CSF2RB: variants seen among roughly 807,000 people sequenced by gnomAD.
The protein encoded by CSF2RB is colony stimulating factor 2 receptor subunit beta.
A neutral mutation model predicts 67.2 loss-of-function variants in CSF2RB; 22 were observed. The ratio of observed to expected loss-of-function variants is 0.33; its 90% CI spans 0.23 to 0.47. CSF2RB has a LOEUF of 0.47. CSF2RB is among the 20% of genes least tolerant of loss of function. The pLI is 1.00. For missense variants in CSF2RB, 1,113 were observed against 1,174.5 expected (o/e 0.95, Z 0.76); for synonymous variants, 507 against 482.9 (o/e 1.05, Z -0.65).
At chr22:36,936,918 G>A (rs143304892) in intron 13 of CSF2RB, among the ~76,000 whole-genome samples, 7 of 152,106 alleles carry the variant, frequency 4.6e-5, no homozygotes, top group African/African-American at 7.2e-5. Flanking sequence ...CCTCAGAGGC[G>A]TCACACTGCA....
chr22:36,926,085 G>A lies in CSF2RB; in HGVS notation c.299G>A (p.Cys100Tyr). The change falls in exon 4 of 14, where the codon TGC (cysteine) becomes TAC (tyrosine). Residue 100 changes from cysteine to tyrosine, a missense_variant. By Grantham distance (194) the Cys-to-Tyr change is radical. Around this residue, in one of 2 missense-constraint regions of CSF2RB, gnomAD observed 559 missense variants for 656.5 expected, o/e 0.85. Transcript: ENST00000403662. ...GTGCCCAGGAGATGTGTCATTCCCT[G>A]CCAGAGTTTTGTCGTCACTGACGTT... ...RCVPRRCVIPCQSFVVTDVDY... is the reference protein window; with the variant it reads ...RCVPRRCVIPYQSFVVTDVDY... 1.2e-6 allele frequency: 2 copies of A among 1,614,218 alleles called. No homozygotes were observed. Among genetic ancestry groups the A allele is most frequent in the Non-Finnish European group, 1.7e-6 (2 of 1,180,030 alleles).
At chr22:36,928,101 A>T (rs1941063807) in intron 4 of CSF2RB, among the ~76,000 whole-genome samples, 1 of 152,198 alleles carries the variant, frequency 6.6e-6, no homozygotes, top group Non-Finnish European at 1.5e-5. Context: ...GGTAGGGTCC[A>T]GCCTAATGCA....
chr22:36,922,897 C>T (rs920039134), intron 2 of CSF2RB, among the ~76,000 whole-genome samples: 1 of 151,994 alleles, frequency 6.6e-6, no homozygotes, highest in Non-Finnish European at 1.5e-5. Flanking sequence ...GAGTGTGTGC[C>T]CCCTCCCAGG....
At chr22:36,936,372 G>A (rs999328647) in intron 12 of CSF2RB, among the ~76,000 whole-genome samples, 177 bp from the exon 13 acceptor site, 1 of 152,128 alleles carries the variant, frequency 6.6e-6, no homozygotes, top group East Asian at 1.9e-4. Flanking sequence ...GGAAGTCCCC[G>A]CCCCTCTCTG....
At chr22:36,916,845 T>G (rs1248422116) in intron 1 of CSF2RB, among the ~76,000 whole-genome samples, 3 of 151,982 alleles carry the variant, frequency 2.0e-5, no homozygotes, top group Non-Finnish European at 4.4e-5. Context: ...GGCAACAGAG[T>G]GAGACTCCAA....
In CSF2RB at chr22:36,928,847, A is replaced by G. The variant is rs143916771; in HGVS notation, c.392-555A>G. Among the ~76,000 whole-genome samples, 14 of 152,350 alleles carry G rather than the reference A, an allele frequency of 9.2e-5. No homozygotes were observed. The East Asian group carries it at 2.5e-3, about 27-fold the overall frequency. On this transcript the variant is annotated intron_variant, in intron 4 of 13. Transcript: ENST00000403662. ...CCTTAGGGGAGGCAGACACAGAAGC[A>G]TAGGAATCCCTCAGCTGTGGTAAGG...
intron 8 of CSF2RB, 70 bp from the exon 9 acceptor site, chr22:36,932,695 C>A: frequency 3.2e-6 from 5 of 1,555,808 alleles, no homozygotes; most frequent in Non-Finnish European, 4.4e-6. Flanking sequence ...CAGTGTCTAG[C>A]ATGAGACACG....
At chr22:36,930,230 C>A in intron 6 of CSF2RB, 145 bp from the exon 7 acceptor site, 1 of 1,110,498 alleles carries the variant, frequency 9.0e-7, no homozygotes, top group Non-Finnish European at 1.4e-6. Context: ...GGACACACAG[C>A]TGGCAGGTTC....
chr22:36,930,499 C>T lies in CSF2RB; in HGVS notation c.843C>T (p.Ser281=). ...CCTTTGGCCTATTCTACAAGCCCAGCCCAGATGCAGGGTGAGCATCTTTTT... is the reference window on the plus strand; with the variant it reads ...CCTTTGGCCTATTCTACAAGCCCAGTCCAGATGCAGGGTGAGCATCTTTTT... ...SVSFGLFYKP[S]PDAGEEECSP... is the part of the protein sequence containing the mutation. Residue 281 remains serine, a synonymous_variant, in exon 7 of 14, where the codon AGC becomes AGT. Transcript: ENST00000403662. 6.2e-7 allele frequency: 1 copy of T among 1,613,532 alleles called. No individual in the cohort carries two copies. The highest frequency in any genetic ancestry group is 8.5e-7 in the Non-Finnish European group (1 of 1,180,016).
intron 7 of CSF2RB, 41 bp from the exon 8 acceptor site, chr22:36,930,632 G>T (rs1422678638): frequency 6.2e-7 from 1 of 1,611,366 alleles, no homozygotes; most frequent in Non-Finnish European, 8.5e-7. Flanking sequence ...CCTCCCGTGT[G>T]CCCTCCCTCT....
chr22:36,929,373 T>G (rs1399299003), intron 4 of CSF2RB, 29 bp from the exon 5 acceptor site: 1 of 1,614,058 alleles, frequency 6.2e-7, no homozygotes, highest in Non-Finnish European at 8.5e-7. Flanking sequence ...GGTCCAGCCC[T>G]TAGGTGCCCT....
Position 36,930,767 on chromosome 22 carries a change from G to A in CSF2RB, c.949G>A (p.Gly317Ser), listed in dbSNP as rs1333868953. ...QIPVPDPATH[G>S]QYIVSVQPRR... ...TCCCGTGCCCGACCCCGCGACCCAC[G>A]GCCAATACATCGTCTCTGTTCAGCC... Residue 317 changes from glycine to serine, a missense_variant, in exon 8 of 14, where the codon GGC becomes AGC. Around this residue, in one of 2 missense-constraint regions of CSF2RB, gnomAD observed 559 missense variants for 656.5 expected, o/e 0.85. Coordinates refer to ENST00000403662, the MANE Select transcript of CSF2RB (RefSeq NM_000395.3). 6.2e-6 allele frequency: 10 copies of A among 1,614,008 alleles called. No homozygotes were observed. Among genetic ancestry groups the A allele is most frequent in the East Asian group, 2.2e-5 (1 of 44,868 alleles).
At position 36,932,924 on chromosome 22, in the gene CSF2RB, G is replaced by C. The variant is rs1534879; in HGVS notation, c.1152+20G>C. On this transcript the variant is annotated intron_variant, in intron 9 of 13. Transcript: ENST00000403662. ...TGGAAGGTGAGGGCCTTTGCCCAGG[G>C]AGGGGAGAAACACTGGGGAGGGCGG... The C allele has an allele frequency of 0.47, 758,504 of 1,612,960 alleles. 185,809 individuals are homozygous for C. Among genetic ancestry groups the C allele is most frequent in the East Asian group, 0.83 (37,237 of 44,870 alleles).
At chr22:36,935,979 G>A (rs1941258133) in intron 12 of CSF2RB, among the ~76,000 whole-genome samples, 1 of 152,208 alleles carries the variant, frequency 6.6e-6, no homozygotes, top group Admixed American at 6.5e-5. Context: ...CCTGCTACCA[G>A]GATGGATGGG....
At chr22:36,918,670 C>T (rs545616481) in intron 1 of CSF2RB, among the ~76,000 whole-genome samples, 55 of 152,350 alleles carry the variant, frequency 3.6e-4, no homozygotes, top group African/African-American at 1.3e-3. Flanking sequence ...CCCTGTGAAG[C>T]TTTCCCCATT....
intron 4 of CSF2RB, among the ~76,000 whole-genome samples, chr22:36,929,187 A>G (rs1416810330): frequency 1.3e-5 from 2 of 152,166 alleles, no homozygotes; most frequent in Non-Finnish European, 2.9e-5. Flanking sequence ...GCGCATTGCA[A>G]TCTGCACGGC....
intron 4 of CSF2RB, among the ~76,000 whole-genome samples, chr22:36,928,429 G>C (rs1941072565): frequency 6.6e-6 from 1 of 152,186 alleles, no homozygotes. Flanking sequence ...TGGGTGAGGA[G>C]GGGCGGTTCC....
At position 36,935,049 on chromosome 22, in the gene CSF2RB, C is replaced by G. The variant is rs141160320; in HGVS notation, c.1316-302C>G. On this transcript the variant is annotated intron_variant, in intron 10 of 13. Coordinates refer to ENST00000403662, the MANE Select transcript of CSF2RB (RefSeq NM_000395.3). ...TATGCCACCTCCTTCAGGAAGTCCC[C>G]TGTGATTGCCATGAACAGTGGTTCT... 7.1e-3 allele frequency among the ~76,000 whole-genome samples: 1,081 copies of G among 152,280 alleles called. 10 individuals are homozygous for G. The highest frequency in any genetic ancestry group is 0.025 in the African/African-American group (1,040 of 41,554).
Position 36,932,898 on chromosome 22 carries a change from G to C in CSF2RB, c.1146G>C (p.Thr382=). The change falls in exon 9 of 14, where the codon ACG becomes ACC. Residue 382 remains threonine, a synonymous_variant. Coordinates refer to ENST00000403662, the MANE Select transcript of CSF2RB (RefSeq NM_000395.3). ...TCCAGTACAGGAAAGACACGGCCACGTGGAAGGTGAGGGCCTTTGCCCAGG... is the reference window on the plus strand; with the variant it reads ...TCCAGTACAGGAAAGACACGGCCACCTGGAAGGTGAGGGCCTTTGCCCAGG... ...FEIQYRKDTA[T]WKDSKTETLQ... is the part of the protein sequence containing the mutation. The C allele has an allele frequency of 6.2e-7, 1 of 1,614,084 alleles. No homozygotes were observed. Among genetic ancestry groups the C allele is most frequent in the African/African-American group, 1.3e-5 (1 of 75,068 alleles).
Sources: allele counts gnomAD v4.1 joint callset (sites outside exome capture counted in the v4.1 genomes callset), GRCh38; gene constraint gnomAD v4.1.1; regional missense constraint gnomAD v4.1.1; transcripts MANE v1.5; gene names NCBI Gene and HGNC (gene_info 2026-07-23, HGNC 2026-07-21).